ANKRD17: variants seen among roughly 807,000 people sequenced by gnomAD.
ANKRD17 encodes ankyrin repeat domain-containing protein 17.
Under a neutral mutation model 229.7 loss-of-function variants are expected in ANKRD17, and 19 were observed. The observed-to-expected ratio is 0.08, with a 90% CI of 0.06 to 0.12. ANKRD17 has a LOEUF of 0.12. Among genes scored for constraint, ANKRD17 ranks in the 10% least tolerant of loss-of-function variants. The pLI is 1.00. For missense variants in ANKRD17, 2,176 were observed against 3,176.8 expected (o/e 0.68, Z 7.57); for synonymous variants, 1,112 against 1,146.1 (o/e 0.97, Z 0.60).
intron 16 of ANKRD17, among the ~76,000 whole-genome samples, chr4:73,127,938 C>G (rs1727693148): frequency 6.6e-6 from 1 of 152,090 alleles, no homozygotes; most frequent in Non-Finnish European, 1.5e-5. Context: ...GCCTACTAGT[C>G]AGTGATGAAG....
chr4:73,134,588 C>A (rs993531063), intron 16 of ANKRD17, among the ~76,000 whole-genome samples: 6 of 152,178 alleles, frequency 3.9e-5, no homozygotes, highest in African/African-American at 7.2e-5. Flanking sequence ...GTCCTCCCCC[C>A]ACTCCATGTT....
At chr4:73,240,101 A>T (rs1304060486) in intron 1 of ANKRD17, among the ~76,000 whole-genome samples, 1 of 152,234 alleles carries the variant, frequency 6.6e-6, no homozygotes, top group African/African-American at 2.4e-5. Flanking sequence ...CACAACAGTC[A>T]TAGTTTATAG....
At chr4:73,240,267 G>GA (rs949793314) in intron 1 of ANKRD17, among the ~76,000 whole-genome samples, 45 of 149,746 alleles carry the variant, frequency 3.0e-4, no homozygotes, top group African/African-American at 5.9e-4. Flanking sequence ...AAAGAGAAAA[G>GA]AAAAAAAAAT....
At chr4:73,137,177 G>A (rs1218999511) in intron 15 of ANKRD17, among the ~76,000 whole-genome samples, 1 of 151,972 alleles carries the variant, frequency 6.6e-6, no homozygotes, top group African/African-American at 2.4e-5. Context: ...GTACCTGAAG[G>A]AACTCTGGTA....
Position 73,098,406 on chromosome 4 carries a change from G to A in ANKRD17, c.4688C>T (p.Thr1563Ile). 6.2e-7 allele frequency: 1 copy of A among 1,614,134 alleles called. No homozygotes were observed. The highest frequency in any genetic ancestry group is 1.1e-5 in the South Asian group (1 of 91,078). The change falls in exon 26 of 34, where the codon ACT (threonine) becomes ATT (isoleucine). Residue 1563 changes from threonine to isoleucine, a missense_variant. Physicochemically the swap from Thr to Ile is moderately conservative, Grantham distance 89. Transcript: ENST00000358602. ...GSHGKRNNTI[T>I]TTSSKRKNRK... The stretch of plus-strand genomic sequence containing the variant: ...GTTTTTCCTCTTTGAACTGGTTGTA[G>A]TTATGGTATTATTTCTTTTACCATG...
chr4:73,190,242 G>A (rs1397066754), intron 1 of ANKRD17, among the ~76,000 whole-genome samples: 1 of 152,000 alleles, frequency 6.6e-6, no homozygotes, highest in Admixed American at 6.6e-5. Flanking sequence ...GGTGGCATGT[G>A]CCTGTAATCC....
intron 1 of ANKRD17, among the ~76,000 whole-genome samples, chr4:73,235,029 G>A (rs554061137): frequency 6.6e-6 from 1 of 152,246 alleles, no homozygotes; most frequent in East Asian, 1.9e-4. Flanking sequence ...CTGTCAATCC[G>A]ATTCCATGAA....
rs115433759 is a variant in ANKRD17 at position 73,193,679 on chromosome 4, T to C, written c.394-16146A>G. 1.7e-3 allele frequency among the ~76,000 whole-genome samples: 256 copies of C among 152,294 alleles called. 2 individuals carry two copies. The highest frequency in any genetic ancestry group is 5.1e-3 in the African/African-American group (210 of 41,556). On this transcript the variant is annotated intron_variant, in intron 1 of 33. Transcript: ENST00000358602. ...GGGTCCCTGAGGCTCACATCTGCAA[T>C]TGGAGCACTTTGGGAGGTCAAGGTG...
At chr4:73,216,008 T>C (rs1272708198) in intron 1 of ANKRD17, among the ~76,000 whole-genome samples, 1 of 152,254 alleles carries the variant, frequency 6.6e-6, no homozygotes, top group South Asian at 2.1e-4. Context: ...AAGGCTAAAG[T>C]GCATTATGAC....
At position 73,091,161 on chromosome 4, in the gene ANKRD17, G is replaced by C. The variant is rs151325201; in HGVS notation, c.6467C>G (p.Thr2156Ser). 4 of 1,614,148 alleles carry C rather than the reference G, an allele frequency of 2.5e-6. No homozygotes were observed. The highest frequency in any genetic ancestry group is 1.7e-5 in the Admixed American group (1 of 60,020). ...PVAVPSTAPV[T>S]YPMPQTPMGC... ...CATTGGTGTCTGAGGCATAGGGTAA[G>C]TCACTGGGGCAGTAGAAGGCACCGC... is the stretch of plus-strand genomic sequence containing the variant. Residue 2156 changes from threonine (T) to serine (S), a missense_variant, in exon 29 of 34, where the codon ACT (threonine) becomes AGT (serine). Coordinates refer to ENST00000358602, the MANE Select transcript of ANKRD17 (RefSeq NM_032217.5).
In ANKRD17 at chr4:73,142,770, A is replaced by G. The variant is rs746171439; in HGVS notation, c.1958-3T>C. The G allele has an allele frequency of 1.5e-5, 24 of 1,598,906 alleles. No homozygotes were observed. The highest frequency in any genetic ancestry group is 2.0e-5 in the Non-Finnish European group (24 of 1,173,954). On this transcript the variant is annotated splice_polypyrimidine_tract_variant and splice_region_variant and intron_variant, in intron 11 of 33. Transcript: ENST00000358602. ...TGTGGTTCTATTCACATTCGCTCCT[A>G]AAACAGAAAAGGCATGGAAAATCAT... is the stretch of plus-strand genomic sequence containing the variant.
intron 18 of ANKRD17, among the ~76,000 whole-genome samples, chr4:73,123,525 C>T (rs944179135): frequency 6.6e-6 from 1 of 151,902 alleles, no homozygotes; most frequent in South Asian, 2.1e-4. Flanking sequence ...TCTAACTATC[C>T]ATTCATATAA....
At chr4:73,173,790 A>G (rs1324567592) in intron 2 of ANKRD17, among the ~76,000 whole-genome samples, 2 of 152,188 alleles carry the variant, frequency 1.3e-5, no homozygotes, top group Admixed American at 6.5e-5. Context: ...CAGTGGGAAG[A>G]GCCTTGTAAG....
intron 1 of ANKRD17, among the ~76,000 whole-genome samples, chr4:73,212,678 AC>A (rs1740444546): frequency 6.6e-6 from 1 of 152,126 alleles, no homozygotes; most frequent in African/African-American, 2.4e-5. Flanking sequence ...ATTTAAACCC[AC>A]CACATGTTTT....
chr4:73,111,406 G>A (rs1382064195), intron 24 of ANKRD17, among the ~76,000 whole-genome samples: 1 of 152,152 alleles, frequency 6.6e-6, no homozygotes, highest in Non-Finnish European at 1.5e-5. Context: ...CATGTCCCAG[G>A]TGGGACAGAA....
At position 73,091,284 on chromosome 4, in the gene ANKRD17, A is replaced by T. The variant is rs769949162; in HGVS notation, c.6344T>A (p.Val2115Asp). The change falls in exon 29 of 34, where the codon GTT (valine) becomes GAT (aspartate). Residue 2115 changes from valine to aspartate, a missense_variant. Val to Asp is a radical substitution (Grantham distance 152). Around this residue, in one of 18 missense-constraint regions of ANKRD17, gnomAD observed 424 missense variants for 454.0 expected, o/e 0.93. Transcript: ENST00000358602. The part of the protein sequence containing the change: ...HSNQQQPPGS[V>D]SQEPRPPLQQ... ...AAGAGGTGGTCTTGGTTCCTGAGAA[A>T]CAGATCCCGGAGGTTGTTGCTGATT... is the stretch of plus-strand genomic sequence containing the variant. 5 of 1,614,166 alleles carry T rather than the reference A, an allele frequency of 3.1e-6. No individual in the cohort carries two copies. In the Admixed American group the frequency reaches 8.3e-5, roughly 27 times the overall value.
intron 1 of ANKRD17, among the ~76,000 whole-genome samples, chr4:73,191,978 A>C (rs191623381): frequency 8.0e-4 from 122 of 152,204 alleles, no homozygotes; most frequent in Non-Finnish European, 1.1e-3. Context: ...TATATCCATC[A>C]ATACTATGGT....
At chr4:73,257,726 A>G (rs1745583525) in intron 1 of ANKRD17, among the ~76,000 whole-genome samples, 2 of 152,212 alleles carry the variant, frequency 1.3e-5, no homozygotes, top group Non-Finnish European at 2.9e-5. Flanking sequence ...CCTGCAGAAC[A>G]GTATGGAAAA....
chr4:73,123,421 T>C lies in ANKRD17; in HGVS notation c.3492+1492A>G, dbSNP rs184975945. 3.3e-5 allele frequency among the ~76,000 whole-genome samples: 5 copies of C among 152,128 alleles called. No homozygotes were observed. In the East Asian group the frequency reaches 9.7e-4, roughly 29 times the overall value. ...TATCTATTGCCCCTACTATGAATTA[T>C]AGAAGAAAAAAGTGACACAAGTAGA... On this transcript the variant is annotated intron_variant, in intron 18 of 33. Transcript: ENST00000358602.
Sources: gnomAD v4.1 joint callset for allele counts (sites outside exome capture counted in the v4.1 genomes callset) on GRCh38, gnomAD v4.1.1 for gene constraint, gnomAD v4.1.1 regional missense constraint, MANE v1.5 for transcripts, NCBI Gene and HGNC (gene_info 2026-07-23, HGNC 2026-07-21) for gene names.